TTN: variants seen among roughly 807,000 people sequenced by gnomAD.
The protein encoded by TTN is titin.
TTN carries 1,525 observed loss-of-function variants against 3,223.0 expected under a neutral mutation model. The observed-to-expected ratio is 0.47, with a 90% CI of 0.45 to 0.49. The LOEUF (loss-of-function observed/expected upper bound fraction) is 0.49. Among genes scored for constraint, TTN ranks in the 20% least tolerant of loss-of-function variants. The probability of loss-of-function intolerance (pLI) is 0.00; values close to 1 mark genes in which losing one functional copy is unlikely to be tolerated. For missense variants in TTN, 40,786 were observed against 43,424.0 expected (o/e 0.94, Z 5.40); for synonymous variants, 14,094 against 15,161.0 (o/e 0.93, Z 5.17).
intron 79 of TTN, 56 bp downstream of exon 79, chr2:178,720,865 G>T: frequency 6.6e-7 from 1 of 1,507,556 alleles, no homozygotes; most frequent in Non-Finnish European, 8.9e-7. Flanking sequence ...TCATAACTTT[G>T]CTAAGAGCCC....
In TTN at chr2:178,559,609, T is replaced by G. The variant is rs879227926; in HGVS notation, c.86523A>C (p.Lys28841Asn). ...TTGGAGGACCTGGGGTATCTAAAAC[T>G]TTGACAACTAAGGTCAGTGAAGCAG... ...LSAASLTLVV[K>N]VLDTPGPPTN... is the part of the protein sequence containing the mutation. The change falls in exon 326 of 363, where the codon AAA becomes AAC. Residue 28841 changes from lysine (K) to asparagine (N), a missense_variant. Coordinates refer to ENST00000589042, the MANE Select transcript of TTN (RefSeq NM_001267550.2). The G allele has an allele frequency of 6.2e-7, 1 of 1,613,868 alleles. No individual in the cohort carries two copies.
intron 139 of TTN, 68 bp downstream of exon 139, chr2:178,680,185 CA>C: frequency 6.3e-7 from 1 of 1,587,002 alleles, no homozygotes; most frequent in South Asian, 1.1e-5. Context: ...GAAGTTTTCA[CA>C]CACAGAACTG....
chr2:178,744,257 C>A (rs1322498201), intron 47 of TTN: 1 of 595,378 alleles, frequency 1.7e-6, no homozygotes, highest in Non-Finnish European at 2.1e-6. Flanking sequence ...ATTTATCTTT[C>A]ATTGTAATAT....
At chr2:178,602,186 C>T in intron 283 of TTN, 36 bp from the exon 284 acceptor site, 1 of 1,592,980 alleles carries the variant, frequency 6.3e-7, no homozygotes, top group Non-Finnish European at 8.5e-7. Flanking sequence ...GGATTTAGCT[C>T]ATATTTGTCA....
Position 178,572,521 on chromosome 2 carries a change from T to C in TTN, c.73611A>G (p.Thr24537=). The change falls in exon 326 of 363, where the codon ACA becomes ACG. Residue 24537 remains threonine (T), a synonymous_variant. Coordinates refer to ENST00000589042, the MANE Select transcript of TTN (RefSeq NM_001267550.2). ...CAAGGAGAGGTGGGTCCCATGTGAG[T>C]GTGACAGATGTCTTAGTGACCTCTT... The part of the protein sequence containing the change: ...KVKEVTKTSV[T]LTWDPPLLDG... 6.2e-7 allele frequency: 1 copy of C among 1,613,424 alleles called. No homozygotes were observed. The highest frequency in any genetic ancestry group is 8.5e-7 in the Non-Finnish European group (1 of 1,179,616).
chr2:178,694,636 G>A lies in TTN; in HGVS notation c.31389C>T (p.Ser10463=). 1 of 1,559,912 alleles carries A rather than the reference G, an allele frequency of 6.4e-7. No homozygotes were observed. The highest frequency in any genetic ancestry group is 2.4e-5 in the East Asian group (1 of 42,374). The stretch of plus-strand genomic sequence containing the variant: ...TAACTTCTTCCTGTACTGGAGTCCG[G>A]GAAGGTTTTTGTGGAACAATCTTCT... The part of the protein sequence containing the change: ...VSKKIVPQKP[S]RTPVQEEVIE... Residue 10463 remains serine (S), a synonymous_variant, in exon 117 of 363, where the codon TCC becomes TCT. Coordinates refer to ENST00000589042, the MANE Select transcript of TTN (RefSeq NM_001267550.2).
Position 178,568,862 on chromosome 2 carries a change from A to T in TTN, c.77270T>A (p.Val25757Glu). The T allele has an allele frequency of 6.2e-7, 1 of 1,613,162 alleles. No homozygotes were observed. ...ECARVKSLQAVITNLTQGEEY... is the reference protein window; with the variant it reads ...ECARVKSLQAEITNLTQGEEY... ...TTCCCCTTGAGTTAGGTTGGTAATT[A>T]CTGCCTGAAGAGACTTTACTCGAGC... is the stretch of plus-strand genomic sequence containing the variant. The change falls in exon 326 of 363, where the codon GTA becomes GAA. Residue 25757 changes from valine (V) to glutamate (E), a missense_variant. By Grantham distance (121) the Val-to-Glu change is moderately radical. Transcript: ENST00000589042.
chr2:178,684,650 G>T lies in TTN; in HGVS notation c.32638+16C>A. Reference sequence around the variant, plus strand: ...GCCATATGTTCCTAGTTTTTCTGCTGGGGAGGTTTGTTTACCTTTGGCTGG... The same window carrying T: ...GCCATATGTTCCTAGTTTTTCTGCTTGGGAGGTTTGTTTACCTTTGGCTGG... On this transcript the variant is annotated intron_variant, in intron 131 of 362. Transcript: ENST00000589042. The T allele has an allele frequency of 6.2e-7, 1 of 1,600,878 alleles. No homozygotes were observed. The highest frequency in any genetic ancestry group is 1.1e-5 in the South Asian group (1 of 88,192).
chr2:178,614,233 C>T lies in TTN; in HGVS notation c.49164G>A (p.Val16388=), dbSNP rs2056877100. The part of the protein sequence containing the change: ...DGGSKITNYV[V]ERRATDSEVW... ...CTTCACTATCAGTTGCTCGTCTCTC[C>T]ACAACATAGTTTGTGATCTTAGATC... The change falls in exon 262 of 363, where the codon GTG becomes GTA. Residue 16388 remains valine (V), a synonymous_variant. Coordinates refer to ENST00000589042, the MANE Select transcript of TTN (RefSeq NM_001267550.2). 2 of 1,612,392 alleles carry T rather than the reference C, an allele frequency of 1.2e-6. No homozygotes were observed. Among genetic ancestry groups the T allele is most frequent in the Non-Finnish European group, 1.7e-6 (2 of 1,179,236 alleles).
In TTN at chr2:178,542,572, G is replaced by C. The variant is rs765295856; in HGVS notation, c.97193-9C>G. ...TGGTGGACCAGGCTTGTCTATGAAA[G>C]AGAAGAAATACAGGAAATTAATTTT... On this transcript the variant is annotated splice_polypyrimidine_tract_variant and intron_variant, in intron 348 of 362. Coordinates refer to ENST00000589042, the MANE Select transcript of TTN (RefSeq NM_001267550.2). 1.3e-6 allele frequency: 2 copies of C among 1,594,608 alleles called. No individual in the cohort carries two copies. Among genetic ancestry groups the C allele is most frequent in the East Asian group, 4.5e-5 (2 of 44,552 alleles).
In TTN at chr2:178,614,244, T is replaced by C; in HGVS notation, c.49153A>G (p.Asn16385Asp). The C allele has an allele frequency of 6.2e-7, 1 of 1,612,604 alleles. No individual in the cohort carries two copies. ...PRDDGGSKIT[N>D]YVVERRATDS... ...GTTGCTCGTCTCTCCACAACATAGTTTGTGATCTTAGATCCACCATCATCG... is the reference window on the plus strand; with the variant it reads ...GTTGCTCGTCTCTCCACAACATAGTCTGTGATCTTAGATCCACCATCATCG... The change falls in exon 262 of 363, where the codon AAC becomes GAC. Residue 16385 changes from asparagine (N) to aspartate (D), a missense_variant. By Grantham distance (23) the Asn-to-Asp change is conservative. Transcript: ENST00000589042.
intron 147 of TTN, among the ~76,000 whole-genome samples, 200 bp downstream of exon 147, chr2:178,677,001 T>C (rs969125571): frequency 3.3e-5 from 5 of 151,740 alleles, no homozygotes; most frequent in Non-Finnish European, 5.9e-5. Context: ...GGACAATGCT[T>C]CCTTTCATCT....
intron 278 of TTN, 31 bp from the exon 279 acceptor site, chr2:178,605,744 C>G: frequency 4.2e-6 from 6 of 1,434,932 alleles, no homozygotes; most frequent in Non-Finnish European, 5.5e-6. Context: ...AAATGATTAG[C>G]ATGAGATAAA....
intron 350 of TTN, among the ~76,000 whole-genome samples, 156 bp from the exon 351 acceptor site, chr2:178,540,526 C>T (rs1278533754): frequency 6.6e-6 from 1 of 152,128 alleles, no homozygotes; most frequent in Admixed American, 6.5e-5. Context: ...GGTGTGGTGG[C>T]TCATGCCTGT....
intron 113 of TTN, 96 bp from the exon 114 acceptor site, chr2:178,696,365 A>G: frequency 9.4e-7 from 1 of 1,067,396 alleles, no homozygotes. Context: ...TCAGTATTTC[A>G]GATCTATTTT....
chr2:178,588,992 C>T lies in TTN; in HGVS notation c.62733G>A (p.Trp20911Ter). The T allele has an allele frequency of 1.9e-6, 3 of 1,611,758 alleles. No individual in the cohort carries two copies. ...TCAAGACAGTAGCAGAATAGGTAGA[C>T]CAAACCATTCGCTTTGTCTCACATT... ...LEKCETKRMV[W>*]STYSATVLTP... The change falls in exon 304 of 363, where the codon TGG becomes TGA. Residue 20911 changes from tryptophan to a stop codon, truncating the protein, a stop_gained. Transcript: ENST00000589042. LOFTEE classifies it high-confidence loss of function.
chr2:178,559,797 G>T lies in TTN; in HGVS notation c.86335C>A (p.Arg28779=). The change falls in exon 326 of 363, where the codon CGA becomes AGA. Residue 28779 remains arginine, a synonymous_variant. Coordinates refer to ENST00000589042, the MANE Select transcript of TTN (RefSeq NM_001267550.2). The part of the protein sequence containing the change: ...GASFTMTVPF[R]GRPVPNVLWS... ...AAGACATTGGGTACTGGTCTTCCTC[G>T]GAAAGGCACAGTCATGGTAAATGAG... 1 of 1,608,162 alleles carries T rather than the reference G, an allele frequency of 6.2e-7. No individual in the cohort carries two copies.
intron 219 of TTN, among the ~76,000 whole-genome samples, chr2:178,641,700 T>C (rs897012750): frequency 1.1e-4 from 16 of 151,890 alleles, no homozygotes; most frequent in African/African-American, 3.9e-4. Flanking sequence ...TCTGAAGAAA[T>C]GTAGCCTAAA....
chr2:178,800,408 T>A lies in TTN; in HGVS notation c.570A>T (p.Glu190Asp), dbSNP rs753196873. The change falls in exon 4 of 363, where the codon GAA becomes GAT. Residue 190 changes from glutamate to aspartate, a missense_variant. Physicochemically the swap from Glu to Asp is conservative, Grantham distance 45. Transcript: ENST00000589042. ...NSVGRATSTAELLVQGEEEVP... is the reference protein window; with the variant it reads ...NSVGRATSTADLLVQGEEEVP... ...TCCAGCACGTACCTTGAACCAGTAA[T>A]TCAGCAGTCGAAGTAGCTCTTCCAA... 1.4e-5 allele frequency: 22 copies of A among 1,614,022 alleles called. No individual in the cohort carries two copies. The highest frequency in any genetic ancestry group is 6.7e-5 in the African/African-American group (5 of 74,934).
Sources: allele counts gnomAD v4.1 joint callset (sites outside exome capture counted in the v4.1 genomes callset), GRCh38; gene constraint gnomAD v4.1.1; transcripts MANE v1.5; gene names NCBI Gene and HGNC (gene_info 2026-07-23, HGNC 2026-07-21).